NWD2: variants seen among roughly 807,000 people sequenced by gnomAD.
The protein encoded by NWD2 is NACHT and WD repeat domain containing 2, also known as NACHT and WD repeat domain-containing protein 2.
In NWD2, 37 loss-of-function variants were observed where a neutral mutation model predicts 132.7. That is an observed-to-expected ratio of 0.28 (90% CI 0.21 to 0.37). The LOEUF (loss-of-function observed/expected upper bound fraction) is 0.37, where lower values mean the gene tolerates loss of function less well. NWD2 is among the 10% of genes least tolerant of loss of function. NWD2 has a pLI of 1.00. For synonymous variants in NWD2, 705 were observed against 803.0 expected (o/e 0.88, Z 2.06); for missense variants, 1,592 against 2,122.4 (o/e 0.75, Z 4.91).
chr4:37,354,781 A>G (rs913821921), intron 2 of NWD2, among the ~76,000 whole-genome samples: 1 of 152,212 alleles, frequency 6.6e-6, no homozygotes, highest in Non-Finnish European at 1.5e-5. Flanking sequence ...AACAAATCCT[A>G]GTGTGGCAGG....
At chr4:37,265,897 C>CA (rs1717740139) in intron 1 of NWD2, among the ~76,000 whole-genome samples, 1 of 151,994 alleles carries the variant, frequency 6.6e-6, no homozygotes, top group Non-Finnish European at 1.5e-5. Context: ...GCACATCTTT[C>CA]AGGGGGCCAT....
chr4:37,291,678 ATT>A (rs1157963884), intron 1 of NWD2, among the ~76,000 whole-genome samples: 1 of 152,122 alleles, frequency 6.6e-6, no homozygotes, highest in Non-Finnish European at 1.5e-5. Flanking sequence ...TTAATATATT[ATT>A]TATAAATGCA....
chr4:37,342,848 G>T (rs1483634829), intron 2 of NWD2, among the ~76,000 whole-genome samples: 1 of 152,142 alleles, frequency 6.6e-6, no homozygotes, highest in Non-Finnish European at 1.5e-5. Flanking sequence ...CATATTGTTG[G>T]TCTCCTTCTT....
rs528612586 is a variant in NWD2, at chr4:37,386,253, G to A, written c.357+29771G>A. On this transcript the variant is annotated intron_variant, in intron 3 of 6. Coordinates refer to ENST00000309447, the MANE Select transcript of NWD2 (RefSeq NM_001144990.2). The stretch of plus-strand genomic sequence containing the variant: ...AAAAAAGCAATCCTAAGTGTGTATT[G>A]AAATAAACTACAGTACACACACACA... 5.1e-4 allele frequency among the ~76,000 whole-genome samples: 75 copies of A among 146,310 alleles called. 1 individual carries two copies. The highest frequency in any genetic ancestry group is 1.8e-3 in the African/African-American group (71 of 39,544).
At chr4:37,362,562 A>G (rs1720001766) in intron 3 of NWD2, among the ~76,000 whole-genome samples, 1 of 152,194 alleles carries the variant, frequency 6.6e-6, no homozygotes, top group African/African-American at 2.4e-5. Flanking sequence ...ACAAATAAGC[A>G]ATGGGGAAAG....
chr4:37,248,952 G>A (rs1717297863), intron 1 of NWD2, among the ~76,000 whole-genome samples: 1 of 152,176 alleles, frequency 6.6e-6, no homozygotes, highest in African/African-American at 2.4e-5. Flanking sequence ...AACAACCCAT[G>A]TCGGATATGA....
intron 3 of NWD2, among the ~76,000 whole-genome samples, chr4:37,406,879 A>T (rs1410237892): frequency 2.0e-5 from 3 of 152,226 alleles, no homozygotes; most frequent in Admixed American, 2.0e-4. Flanking sequence ...CTGAGCAACA[A>T]GAGCAAAACT....
intron 1 of NWD2, among the ~76,000 whole-genome samples, chr4:37,318,432 T>A (rs28612459): frequency 0.081 from 12,327 of 152,264 alleles, 1,543 homozygotes; most frequent in African/African-American, 0.26. Flanking sequence ...AGGTATTTTT[T>A]AAAATAATTT....
rs1013231834 is a variant in NWD2, at chr4:37,397,248, C to A, written c.358-33324C>A. ...CTTCCTTCAGGTTTTAATGAAAATC[C>A]TGAGGTTTAGGGAAAGTCCTTGTGA... On this transcript the variant is annotated intron_variant, in intron 3 of 6. Coordinates refer to ENST00000309447, the MANE Select transcript of NWD2 (RefSeq NM_001144990.2). Among the ~76,000 whole-genome samples the A allele has an allele frequency of 3.3e-5, 5 of 152,046 alleles. No homozygotes were observed. In the East Asian group the frequency reaches 9.6e-4, roughly 29 times the overall value.
intron 3 of NWD2, among the ~76,000 whole-genome samples, chr4:37,425,764 G>A (rs971187127): frequency 6.6e-6 from 1 of 152,154 alleles, no homozygotes; most frequent in Non-Finnish European, 1.5e-5. Flanking sequence ...GGGTCAGAAG[G>A]ATGTGGAAAA....
At chr4:37,335,299 GC>G (rs1168671351) in intron 2 of NWD2, among the ~76,000 whole-genome samples, 9 of 47,656 alleles carry the variant, frequency 1.9e-4, no homozygotes, top group East Asian at 1.2e-3. Flanking sequence ...TGGGGGGTGG[GC>G]GGGGGGGGGG....
At chr4:37,323,076 C>T (rs963895447) in intron 1 of NWD2, among the ~76,000 whole-genome samples, 3 of 152,120 alleles carry the variant, frequency 2.0e-5, no homozygotes, top group Non-Finnish European at 4.4e-5. Flanking sequence ...TCTAACCCCT[C>T]TGCCCTTTGG....
At chr4:37,441,386 T>C (rs1405015958) in intron 6 of NWD2, among the ~76,000 whole-genome samples, 2 of 152,206 alleles carry the variant, frequency 1.3e-5, no homozygotes, top group African/African-American at 2.4e-5. Context: ...CATTCACATA[T>C]GCCATTTTGT....
rs1712423992 is a variant in NWD2 at position 37,439,504 on chromosome 4, CTT to C, written c.1296+117_1296+118del. The C allele has an allele frequency of 1.3e-6, 1 of 760,068 alleles. No individual in the cohort carries two copies. Among genetic ancestry groups the C allele is most frequent in the Admixed American group, 3.2e-5 (1 of 31,042 alleles). 47.1% of individuals were successfully genotyped at this position (760,068 alleles called of 1,614,324 possible). ...GTTTACTATGTGAATTATAGTTGGT[CTT>C]TTAGGAGTGAATACTGCAGTGCTTC... On this transcript the variant is annotated intron_variant, in intron 6 of 6. Coordinates refer to ENST00000309447, the MANE Select transcript of NWD2 (RefSeq NM_001144990.2). This position sits in a 1 kb window ranked among gnomAD's most constrained non-coding sequence, Gnocchi z 4.5.
chr4:37,261,895 C>A (rs899813088), intron 1 of NWD2, among the ~76,000 whole-genome samples: 4 of 152,088 alleles, frequency 2.6e-5, no homozygotes, highest in African/African-American at 9.7e-5. Flanking sequence ...AAGGGCAGAA[C>A]CAACCAGATA....
At chr4:37,364,689 C>T (rs61154494) in intron 3 of NWD2, among the ~76,000 whole-genome samples, 56,429 of 127,290 alleles carry the variant, frequency 0.44, 11,200 homozygotes, top group Admixed American at 0.6. Context: ...TCTACCTCCA[C>T]TTACACACAC....
chr4:37,371,227 A>G (rs1720223582), intron 3 of NWD2, among the ~76,000 whole-genome samples: 2 of 151,594 alleles, frequency 1.3e-5, no homozygotes, highest in Non-Finnish European at 2.9e-5. Flanking sequence ...ACAGGTGTGC[A>G]CCACCACGCC....
At chr4:37,254,283 G>A (rs1180029887) in intron 1 of NWD2, among the ~76,000 whole-genome samples, 1 of 152,200 alleles carries the variant, frequency 6.6e-6, no homozygotes, top group Non-Finnish European at 1.5e-5. Flanking sequence ...CTGGCAATAT[G>A]TATTTCACTG....
At chr4:37,314,708 T>G (rs1718923674) in intron 1 of NWD2, among the ~76,000 whole-genome samples, 1 of 152,188 alleles carries the variant, frequency 6.6e-6, no homozygotes, top group Non-Finnish European at 1.5e-5. Flanking sequence ...GTACTGATCT[T>G]TCAAGGAACC....
Sources: gnomAD v4.1 joint callset for allele counts (sites outside exome capture counted in the v4.1 genomes callset) on GRCh38, gnomAD v4.1.1 for gene constraint, Gnocchi (gnomAD v3.1) non-coding constraint, MANE v1.5 for transcripts, NCBI Gene and HGNC (gene_info 2026-07-23, HGNC 2026-07-21) for gene names.